SNURF: variants seen among roughly 807,000 people sequenced by gnomAD.
SNURF encodes the protein SNURF protein.
In SNURF, 6 loss-of-function variants were observed where a neutral mutation model predicts 11.6. That is an observed-to-expected ratio of 0.52 (90% CI 0.28 to 1.02). SNURF has a LOEUF of 1.02. Among genes scored for constraint, SNURF ranks in the 50% least tolerant of loss-of-function variants. The pLI is 0.09. For missense variants in SNURF, 84 were observed against 88.4 expected, an observed-to-expected ratio of 0.95 and a Z score of 0.20; for synonymous variants, 29 against 31.6, an observed-to-expected ratio of 0.92 and a Z score of 0.27.
chr15:24,974,507 G>T (rs528549624), intron 3 of SNURF: 1 of 1,580,668 alleles, frequency 6.3e-7, no homozygotes, highest in South Asian at 1.1e-5. Context: ...AGGGCCGAAA[G>T]AAATAGTTTG....
chr15:24,955,193 G>A lies in SNURF; in HGVS notation c.14+131G>A, dbSNP rs1338577177. ...TTTGGGCCCTAAAGTCCTTTGTTCT[G>A]GAGAACCAGATCCGGAATGTTCAGA... On this transcript the variant is annotated intron_variant, in intron 1 of 2. Coordinates refer to ENST00000577949, the Ensembl canonical transcript of SNURF. The A allele has an allele frequency of 1.0e-5, 13 of 1,247,042 alleles. 1 individual carries two copies. Among genetic ancestry groups the A allele is most frequent in the East Asian group, 5.0e-5 (2 of 40,304 alleles). The allele number at this position is 1,247,042 out of a possible 1,614,324, so 77.2% of individuals were successfully genotyped here.
downstream of SNURF, among the ~76,000 whole-genome samples, chr15:24,972,538 ATTCTT>A (rs1466162056): frequency 2.4e-3 from 339 of 138,566 alleles, 1 homozygote; most frequent in African/African-American, 8.6e-3. Flanking sequence ...GCATTAGAGT[ATTCTT>A]TTTTTTTTTT....
At chr15:24,974,679 G>A in intron 3 of SNURF, 1 of 621,970 alleles carries the variant, frequency 1.6e-6, no homozygotes, top group East Asian at 2.7e-5. Context: ...GGAGTGCAGT[G>A]GTGCGGTCTT....
intron 6 of SNURF, among the ~76,000 whole-genome samples, chr15:24,977,285 T>C (rs78877062): frequency 0.016 from 2,408 of 152,228 alleles, 61 homozygotes; most frequent in African/African-American, 0.055. Context: ...TGCATGGATA[T>C]ACCACAGTTG....
At chr15:24,974,877 C>T in intron 3 of SNURF, 1 of 701,666 alleles carries the variant, frequency 1.4e-6, no homozygotes, top group Non-Finnish European at 2.6e-6. Context: ...AGAAATGTTT[C>T]ATGATGTGAG....
At position 24,974,201 on chromosome 15, in the gene SNURF, AG is replaced by A. The variant is rs1180460257; in HGVS notation, c.*46-1155del. ...CCCTTGGTGAGGAAGCTAGTATGAGAGGAAGGATGTTTTTGAACGTGTCTGT... is the reference window on the plus strand; with the variant it reads ...CCCTTGGTGAGGAAGCTAGTATGAGAGAAGGATGTTTTTGAACGTGTCTGT... On this transcript the variant is annotated intron_variant and NMD_transcript_variant, in intron 3 of 6. Transcript: ENST00000580062. 1.1e-5 allele frequency: 6 copies of A among 522,406 alleles called. No homozygotes were observed. In the Middle Eastern group the frequency reaches 1.1e-3, roughly 92 times the overall value. 32.4% of individuals were successfully genotyped at this position (522,406 alleles called of 1,614,324 possible). A position where few individuals can be genotyped will look rare whatever the true frequency, so the allele number is the denominator to read the frequency against.
At chr15:24,958,272 CTGTT>C (rs1310435829) in intron 1 of SNURF, among the ~76,000 whole-genome samples, 3 of 151,992 alleles carry the variant, frequency 2.0e-5, no homozygotes, top group Non-Finnish European at 4.4e-5. Context: ...TCAGCGCCCT[CTGTT>C]TAGCTATTTT....
At chr15:24,974,373 A>T in intron 3 of SNURF, 1 of 1,337,866 alleles carries the variant, frequency 7.5e-7, no homozygotes, top group Non-Finnish European at 1.1e-6. Context: ...CCTGCGTCAT[A>T]CCTTTATCTA....
intron 2 of SNURF, among the ~76,000 whole-genome samples, chr15:24,964,126 C>T (rs1439264379): frequency 3.3e-5 from 5 of 150,954 alleles, no homozygotes; most frequent in Non-Finnish European, 5.9e-5. Flanking sequence ...TTTATTTTGC[C>T]GATTTTTACT....
intron 2 of SNURF, among the ~76,000 whole-genome samples, chr15:24,962,875 G>C (rs916687012): frequency 2.0e-5 from 3 of 151,798 alleles, no homozygotes; most frequent in African/African-American, 7.2e-5. Flanking sequence ...ATTTTGATCA[G>C]TAGGTAGCAT....
intron 1 of SNURF, among the ~76,000 whole-genome samples, chr15:24,959,440 G>GA (rs2074408481): frequency 6.6e-6 from 1 of 152,136 alleles, no homozygotes; most frequent in Non-Finnish European, 1.5e-5. Flanking sequence ...TGGGTATTGA[G>GA]ACCCCGTCTC....
At chr15:24,972,319 T>C (rs550185936), downstream of SNURF, among the ~76,000 whole-genome samples, 1 of 151,820 alleles carries the variant, frequency 6.6e-6, no homozygotes, top group Non-Finnish European at 1.5e-5. Flanking sequence ...GGATTTAGAC[T>C]GCTTTATAAA....
At chr15:24,974,820 A>G (rs752898731) in intron 3 of SNURF, 19 of 662,716 alleles carry the variant, frequency 2.9e-5, no homozygotes, top group Non-Finnish European at 4.1e-5. Flanking sequence ...CGGCCTCCCA[A>G]AGTGCTGGGA....
At chr15:24,976,972 C>T (rs142287541) in exon 6 of SNURF, 7 of 1,604,720 alleles carry the variant, frequency 4.4e-6, no homozygotes, top group Admixed American at 1.7e-5. Context: ...TGCCAATTCC[C>T]CAGGCCCCTG....
chr15:24,969,275 C>T (rs916957929), downstream of SNURF, among the ~76,000 whole-genome samples: 5 of 152,074 alleles, frequency 3.3e-5, no homozygotes, highest in African/African-American at 1.2e-4. Context: ...ATTATAGGCA[C>T]CCACCACCAC....
At chr15:24,973,197 G>A (rs1300915138), downstream of SNURF, among the ~76,000 whole-genome samples, 1 of 151,928 alleles carries the variant, frequency 6.6e-6, no homozygotes, top group African/African-American at 2.4e-5. Context: ...CCTCTTCTCT[G>A]TTTAACATTG....
At chr15:24,959,917 C>T (rs776736838) in intron 1 of SNURF, among the ~76,000 whole-genome samples, 1 of 152,066 alleles carries the variant, frequency 6.6e-6, no homozygotes, top group Admixed American at 6.6e-5. Context: ...GAAATTTTGT[C>T]TTTTTGGAAG....
chr15:24,967,808 GAAAAAAAA>G (rs35146696), intron 2 of SNURF, 116 bp from the exon 3 acceptor site: 265 of 491,964 alleles, frequency 5.4e-4, no homozygotes, highest in East Asian at 3.0e-3. Flanking sequence ...ACCCTGTCTG[GAAAAAAAA>G]AAAAAAAAAA....
intron 2 of SNURF, 71 bp downstream of exon 2, chr15:24,962,280 A>G: frequency 8.4e-7 from 1 of 1,196,398 alleles, no homozygotes; most frequent in East Asian, 2.4e-5. Context: ...AATATCATGC[A>G]ATGAGGGGAT....
Sources: gnomAD v4.1 joint callset for allele counts (sites outside exome capture counted in the v4.1 genomes callset) on GRCh38, gnomAD v4.1.1 for gene constraint, MANE v1.5 for transcripts, NCBI Gene and HGNC (gene_info 2026-07-23, HGNC 2026-07-21) for gene names.